Variants in UBQLN1 observed in about 807,000 individuals in gnomAD.
The protein encoded by UBQLN1 is ubiquilin 1, also known as ubiquilin-1.
Under a neutral mutation model 65.4 loss-of-function variants are expected in UBQLN1, and 13 were observed. The observed-to-expected ratio is 0.20, with a 90% CI of 0.13 to 0.32. The LOEUF (loss-of-function observed/expected upper bound fraction) is 0.32. UBQLN1 is among the 10% of genes least tolerant of loss of function. The pLI is 1.00. For synonymous variants in UBQLN1, 267 were observed against 247.8 expected (o/e 1.08, Z -0.73); for missense variants, 561 against 724.0 (o/e 0.77, Z 2.58).
chr9:83,690,431 T>TGCAA (rs1832107889), intron 1 of UBQLN1, among the ~76,000 whole-genome samples: 2 of 152,228 alleles, frequency 1.3e-5, no homozygotes. Flanking sequence ...ACCTTAAGTT[T>TGCAA]GCAAGTGACT....
At chr9:83,685,001 A>G (rs557916331) in intron 2 of UBQLN1, among the ~76,000 whole-genome samples, 5 of 152,240 alleles carry the variant, frequency 3.3e-5, no homozygotes, top group African/African-American at 9.6e-5. Flanking sequence ...ATGCCTGCAC[A>G]TGTAGTCTAC....
Position 83,686,046 on chromosome 9 carries a change from T to A in UBQLN1, c.290A>T (p.His97Leu), listed in dbSNP as rs372082889. 6.3e-5 allele frequency: 102 copies of A among 1,607,732 alleles called. No individual in the cohort carries two copies. The highest frequency in any genetic ancestry group is 8.7e-5 in the Non-Finnish European group (102 of 1,178,022). The change falls in exon 2 of 11, where the codon CAT becomes CTT. Residue 97 changes from histidine (H) to leucine (L), a missense_variant. Transcript: ENST00000376395. The part of the protein sequence containing the change: ...DQDTLSQHGI[H>L]DGLTVHLVIK... ...GACAAGGTGAACAGTAAGTCCATCA[T>A]GAATTCCATGCTGACTCAAGGTATC...
chr9:83,678,963 C>T (rs570826087), intron 4 of UBQLN1, among the ~76,000 whole-genome samples: 2 of 152,094 alleles, frequency 1.3e-5, no homozygotes, highest in African/African-American at 4.8e-5. Context: ...CCTCGTGATC[C>T]GCCCACCTCA....
intron 1 of UBQLN1, among the ~76,000 whole-genome samples, chr9:83,701,710 G>A (rs1433102854): frequency 6.6e-6 from 1 of 151,950 alleles, no homozygotes; most frequent in Admixed American, 6.6e-5. Flanking sequence ...CTCATGCATT[G>A]CTAGTGGAAA....
intron 1 of UBQLN1, among the ~76,000 whole-genome samples, chr9:83,694,365 T>C (rs1230867671): frequency 3.5e-5 from 4 of 114,484 alleles, no homozygotes; most frequent in African/African-American, 1.6e-4. Context: ...TTACTCAATA[T>C]TGCTAATAGT....
rs1238982956 is a variant in UBQLN1, at chr9:83,660,089, T to A, written c.*1698A>T. The A allele has an allele frequency of 6.6e-6, 1 of 152,250 alleles. No individual in the cohort carries two copies. Among genetic ancestry groups the A allele is most frequent in the African/African-American group, 2.4e-5 (1 of 41,468 alleles). 9.4% of individuals were successfully genotyped at this position (152,250 alleles called of 1,614,324 possible). A position where few individuals can be genotyped will look rare whatever the true frequency, so the allele number is the denominator to read the frequency against. On this transcript the variant is annotated 3_prime_UTR_variant, in exon 11 of 11. Coordinates refer to ENST00000376395, the MANE Select transcript of UBQLN1 (RefSeq NM_013438.5). Reference sequence around the variant, plus strand: ...GAAGTTTTTAAACCAAACTGAGGCATAAAGCAGAAAGAGCAAAGACACATG... The same window carrying A: ...GAAGTTTTTAAACCAAACTGAGGCAAAAAGCAGAAAGAGCAAAGACACATG...
intron 4 of UBQLN1, among the ~76,000 whole-genome samples, chr9:83,679,408 T>C (rs1831902823): frequency 6.6e-6 from 1 of 152,204 alleles, no homozygotes; most frequent in Non-Finnish European, 1.5e-5. Flanking sequence ...TGCAATTTTG[T>C]ATTCAACATA....
intron 1 of UBQLN1, among the ~76,000 whole-genome samples, chr9:83,700,961 T>C (rs566789808): frequency 4.6e-5 from 7 of 152,316 alleles, no homozygotes; most frequent in Admixed American, 6.5e-5. Flanking sequence ...GGGAGAGTTA[T>C]AGAAGTCAGG....
At chr9:83,690,695 C>T (rs1237296938) in intron 1 of UBQLN1, among the ~76,000 whole-genome samples, 2 of 151,644 alleles carry the variant, frequency 1.3e-5, no homozygotes, top group Non-Finnish European at 2.9e-5. Flanking sequence ...GATCGTGCCA[C>T]TGCACTCCAG....
intron 6 of UBQLN1, among the ~76,000 whole-genome samples, chr9:83,670,561 C>T (rs1181382516): frequency 2.6e-5 from 4 of 152,126 alleles, no homozygotes; most frequent in Admixed American, 6.5e-5. Context: ...AAACTCTGCA[C>T]ATAAATATAA....
chr9:83,703,909 T>C (rs59851611), intron 1 of UBQLN1, among the ~76,000 whole-genome samples: 5,992 of 152,258 alleles, frequency 0.039, 403 homozygotes, highest in African/African-American at 0.14. Flanking sequence ...CACCTTACAA[T>C]TTACCCAAGA....
intron 7 of UBQLN1, 98 bp downstream of exon 7, chr9:83,669,087 A>G (rs1371873627): frequency 5.1e-6 from 7 of 1,370,956 alleles, no homozygotes; most frequent in East Asian, 5.1e-5. Flanking sequence ...GTGTATTAAG[A>G]TATCATACAC....
At chr9:83,690,069 A>G (rs557435415) in intron 1 of UBQLN1, among the ~76,000 whole-genome samples, 1 of 152,336 alleles carries the variant, frequency 6.6e-6, no homozygotes, top group Admixed American at 6.5e-5. Context: ...ACATTTTGCA[A>G]CAGAAGTTGA....
chr9:83,704,421 G>A (rs984066667), intron 1 of UBQLN1, among the ~76,000 whole-genome samples: 23 of 152,240 alleles, frequency 1.5e-4, no homozygotes, highest in African/African-American at 5.3e-4. Context: ...GGTGATAAGC[G>A]TCAATTTTTA....
chr9:83,682,418 C>T (rs1312430945), intron 3 of UBQLN1, among the ~76,000 whole-genome samples: 2 of 151,996 alleles, frequency 1.3e-5, no homozygotes, highest in Admixed American at 1.3e-4. Context: ...TTTGAGGCTG[C>T]AGTGAGCTAT....
At position 83,661,679 on chromosome 9, in the gene UBQLN1, T is replaced by C. The variant is rs901223564; in HGVS notation, c.*108A>G. On this transcript the variant is annotated 3_prime_UTR_variant, in exon 11 of 11. Transcript: ENST00000376395. The stretch of plus-strand genomic sequence containing the variant: ...TAAAATGCATCATATTGGGTTTGTT[T>C]ATAACAGCACAGAATTCCAAGAGTC... The C allele has an allele frequency of 4.0e-5, 51 of 1,276,464 alleles. No homozygotes were observed. Among genetic ancestry groups the C allele is most frequent in the Non-Finnish European group, 5.3e-5 (50 of 935,580 alleles). The allele number at this position is 1,276,464 out of a possible 1,614,324, so 79.1% of individuals were successfully genotyped here.
rs1219716907 is a variant in UBQLN1 at position 83,679,758 on chromosome 9, AAG to A, written c.711+15_711+16del. The A allele has an allele frequency of 6.2e-7, 1 of 1,610,186 alleles. No homozygotes were observed. On this transcript the variant is annotated intron_variant, in intron 4 of 10. Transcript: ENST00000376395. Reference sequence around the variant, plus strand: ...ATCATTTTTTAGCTAAACGAACTGAAAGAACTTTCCACATACTTGTCTCATTA... The same window carrying A: ...ATCATTTTTTAGCTAAACGAACTGAAAACTTTCCACATACTTGTCTCATTA...
At chr9:83,707,221 T>C (rs983575795) in intron 1 of UBQLN1, among the ~76,000 whole-genome samples, 2 of 151,836 alleles carry the variant, frequency 1.3e-5, no homozygotes, top group African/African-American at 4.8e-5. Context: ...GGCGGGGAAC[T>C]GGGGGAGGAG....
intron 2 of UBQLN1, among the ~76,000 whole-genome samples, chr9:83,684,690 A>G (rs187365147): frequency 5.3e-4 from 81 of 152,110 alleles, no homozygotes; most frequent in African/African-American, 1.9e-3. Flanking sequence ...GCATGCCTGT[A>G]ATTCCAGCTA....
Sources: allele counts gnomAD v4.1 joint callset (sites outside exome capture counted in the v4.1 genomes callset), GRCh38; gene constraint gnomAD v4.1.1; transcripts MANE v1.5; gene names NCBI Gene and HGNC (gene_info 2026-07-23, HGNC 2026-07-21).